The following LANCL3 variants were observed in gnomAD, a reference collection of about 807,000 sequenced individuals.
LANCL3 encodes LanC like family member 3, also known as lanC-like protein 3.
A neutral mutation model predicts 26.5 loss-of-function variants in LANCL3; 19 were observed. That is an observed-to-expected ratio of 0.72 (90% CI 0.50 to 1.05). The LOEUF (loss-of-function observed/expected upper bound fraction) is 1.05. Among genes scored for constraint, LANCL3 ranks in the 50% least tolerant of loss-of-function variants. The pLI is 0.00. For missense variants in LANCL3, 318 were observed against 362.7 expected (o/e 0.88, Z 1.00); for synonymous variants, 160 against 166.6 (o/e 0.96, Z 0.30).
intron 4 of LANCL3, among the ~76,000 whole-genome samples, chrX:37,669,207 T>G (rs1344174180): frequency 9.0e-6 from 1 of 111,244 alleles, no homozygotes; most frequent in Non-Finnish European, 1.9e-5. Flanking sequence ...TTTTATTTAT[T>G]TATTTATTTA....
intron 1 of LANCL3, among the ~76,000 whole-genome samples, chrX:37,652,105 G>A (rs1320059531): frequency 1.8e-5 from 2 of 109,941 alleles, no homozygotes; most frequent in Non-Finnish European, 3.8e-5. Flanking sequence ...TAGGACACTG[G>A]CACACCCAAG....
Position 37,620,754 on chromosome X carries a change from A to G in LANCL3, c.574-34934A>G, listed in dbSNP as rs189978016. Among the ~76,000 whole-genome samples, 235 of 112,001 alleles carry G rather than the reference A, an allele frequency of 2.1e-3. 1 individual carries two copies. The highest frequency in any genetic ancestry group is 7.1e-3 in the African/African-American group (220 of 30,864). On this transcript the variant is annotated intron_variant, in intron 1 of 4. Coordinates refer to ENST00000378619, the MANE Select transcript of LANCL3 (RefSeq NM_001170331.2). Reference sequence around the variant, plus strand: ...GACTGACCATGAGACCATGGCCTGGACTGAGGGGCTCAGCTACTTTCTTAA... The same window carrying G: ...GACTGACCATGAGACCATGGCCTGGGCTGAGGGGCTCAGCTACTTTCTTAA...
rs782684672 is a variant in LANCL3, at chrX:37,575,174, G to A, written c.573+2731G>A. ...ACTCCTGGGCTCAAGTGATCTGCCC[G>A]CCTCAGTCTCCTAAAGTCCTGGGAT... On this transcript the variant is annotated intron_variant, in intron 1 of 4. Coordinates refer to ENST00000378619, the MANE Select transcript of LANCL3 (RefSeq NM_001170331.2). Among the ~76,000 whole-genome samples, 10 of 109,553 alleles carry A rather than the reference G, an allele frequency of 9.1e-5. No individual in the cohort carries two copies. The East Asian group carries it at 2.0e-3, about 22-fold the overall frequency.
Position 37,605,636 on chromosome X carries a change from C to G in LANCL3, c.573+33193C>G, listed in dbSNP as rs139023998. On this transcript the variant is annotated intron_variant, in intron 1 of 4. Coordinates refer to ENST00000378619, the MANE Select transcript of LANCL3 (RefSeq NM_001170331.2). ...TGCTTCATACACACAGGCCTCCTTA[C>G]TGTTCCTGAAACACAGGTACACTCC... Among the ~76,000 whole-genome samples, 622 of 111,794 alleles carry G rather than the reference C, an allele frequency of 5.6e-3. 4 individuals are homozygous for G. Among genetic ancestry groups the G allele is most frequent in the African/African-American group, 0.017 (537 of 30,753 alleles).
Position 37,633,286 on chromosome X carries a change from C to T in LANCL3, c.574-22402C>T, listed in dbSNP as rs782312405. Among the ~76,000 whole-genome samples, 391 of 111,366 alleles carry T rather than the reference C, an allele frequency of 3.5e-3. 2 individuals are homozygous for T. The highest frequency in any genetic ancestry group is 0.012 in the African/African-American group (368 of 30,629). ...GCTTCTGCATTCTTCACTTAGTTCT[C>T]GAGCCTTGGCTTTCAGCTCCGGTTA... On this transcript the variant is annotated intron_variant, in intron 1 of 4. Coordinates refer to ENST00000378619, the MANE Select transcript of LANCL3 (RefSeq NM_001170331.2).
At chrX:37,628,676 C>A (rs1228322107) in intron 1 of LANCL3, among the ~76,000 whole-genome samples, 1 of 98,739 alleles carries the variant, frequency 1.0e-5, no homozygotes, top group African/African-American at 3.8e-5. Context: ...CAATTCCCAC[C>A]TATGAGTGAG....
chrX:37,612,643 A>G (rs1924906763), intron 1 of LANCL3, among the ~76,000 whole-genome samples: 2 of 112,333 alleles, frequency 1.8e-5, no homozygotes, highest in Admixed American at 1.9e-4. Flanking sequence ...GGAGTGACTT[A>G]GTTATCATCA....
At chrX:37,611,613 G>A (rs931587097) in intron 1 of LANCL3, among the ~76,000 whole-genome samples, 2 of 111,953 alleles carry the variant, frequency 1.8e-5, no homozygotes, top group Non-Finnish European at 3.8e-5. Context: ...ATAGACCAGT[G>A]TTTTTAAAGT....
Position 37,576,994 on chromosome X carries a change from C to A in LANCL3, c.573+4551C>A, listed in dbSNP as rs1294892186. 8.0e-5 allele frequency among the ~76,000 whole-genome samples: 9 copies of A among 112,416 alleles called. No individual in the cohort carries two copies. The East Asian group carries it at 2.5e-3, about 31-fold the overall frequency. On this transcript the variant is annotated intron_variant, in intron 1 of 4. Coordinates refer to ENST00000378619, the MANE Select transcript of LANCL3 (RefSeq NM_001170331.2). ...AGGAGTTTGAAACCATGGAAGGAGA[C>A]ATGAGCAGGGTAAAATCAGATCCTG...
At chrX:37,616,038 A>G (rs1924997192) in intron 1 of LANCL3, among the ~76,000 whole-genome samples, 1 of 111,924 alleles carries the variant, frequency 8.9e-6, no homozygotes, top group African/African-American at 3.2e-5. Flanking sequence ...GGTGGATGAG[A>G]TTCAGGCTCC....
At chrX:37,582,589 A>C (rs1923930361) in intron 1 of LANCL3, among the ~76,000 whole-genome samples, 1 of 111,933 alleles carries the variant, frequency 8.9e-6, no homozygotes, top group Admixed American at 9.4e-5. Flanking sequence ...TTCTTTTGAG[A>C]AGTGTCTGTT....
At chrX:37,670,189 C>A (rs984199925) in intron 4 of LANCL3, among the ~76,000 whole-genome samples, 9 of 111,782 alleles carry the variant, frequency 8.1e-5, no homozygotes, top group Middle Eastern at 4.6e-3. Context: ...CTATAAATAG[C>A]CTGTCTTTAT....
At chrX:37,635,200 G>A (rs1250089950) in intron 1 of LANCL3, among the ~76,000 whole-genome samples, 2 of 111,662 alleles carry the variant, frequency 1.8e-5, no homozygotes, top group African/African-American at 6.5e-5. Context: ...TCATGAATGA[G>A]AAAACTGACA....
At chrX:37,648,896 A>T (rs1048362995) in intron 1 of LANCL3, among the ~76,000 whole-genome samples, 4 of 112,452 alleles carry the variant, frequency 3.6e-5, no homozygotes. Flanking sequence ...AATCAAAACC[A>T]CAATGAGACA....
intron 1 of LANCL3, among the ~76,000 whole-genome samples, chrX:37,624,638 T>C (rs782820743): frequency 1.8e-5 from 2 of 112,012 alleles, no homozygotes; most frequent in Non-Finnish European, 3.8e-5. Flanking sequence ...GATTCTTTCA[T>C]TAGCCATTGT....
intron 1 of LANCL3, among the ~76,000 whole-genome samples, chrX:37,587,542 A>G (rs1218025173): frequency 2.7e-5 from 3 of 112,730 alleles, no homozygotes; most frequent in Non-Finnish European, 5.6e-5. Context: ...GTTCGATCTC[A>G]GACTGCTGTG....
intron 1 of LANCL3, among the ~76,000 whole-genome samples, chrX:37,598,674 C>G (rs1924501512): frequency 8.9e-6 from 1 of 112,358 alleles, no homozygotes; most frequent in Non-Finnish European, 1.9e-5. Context: ...AAAATATAAG[C>G]AAGATACGTT....
chrX:37,587,128 A>T (rs1267590258), intron 1 of LANCL3, among the ~76,000 whole-genome samples: 1 of 112,503 alleles, frequency 8.9e-6, no homozygotes, highest in Non-Finnish European at 1.9e-5. Flanking sequence ...CTGAACAGCA[A>T]ATGTTGCTGC....
intron 1 of LANCL3, among the ~76,000 whole-genome samples, chrX:37,591,321 A>C (rs1317885569): frequency 3.6e-5 from 4 of 111,715 alleles, no homozygotes; most frequent in African/African-American, 1.3e-4. Flanking sequence ...CCTGAACTCA[A>C]CTCAACACTA....
Sources: allele counts gnomAD v4.1 joint callset (sites outside exome capture counted in the v4.1 genomes callset), GRCh38; gene constraint gnomAD v4.1.1; transcripts MANE v1.5; gene names NCBI Gene and HGNC (gene_info 2026-07-23, HGNC 2026-07-21).